MTHFD1L: variants seen among roughly 807,000 people sequenced by gnomAD.
MTHFD1L encodes monofunctional C1-tetrahydrofolate synthase, mitochondrial.
Under a neutral mutation model 119.5 loss-of-function variants are expected in MTHFD1L, and 81 were observed. The observed-to-expected ratio is 0.68, with a 90% CI of 0.57 to 0.82. The LOEUF (loss-of-function observed/expected upper bound fraction) is 0.82, where lower values mean the gene tolerates loss of function less well. Among genes scored for constraint, MTHFD1L ranks in the 40% least tolerant of loss-of-function variants. MTHFD1L has a pLI of 0.00. For synonymous variants in MTHFD1L, 430 were observed against 475.2 expected (o/e 0.90, Z 1.24); for missense variants, 1,125 against 1,253.4 (o/e 0.90, Z 1.55).
At chr6:151,011,158 C>G (rs1782157853) in intron 21 of MTHFD1L, among the ~76,000 whole-genome samples, 1 of 152,198 alleles carries the variant, frequency 6.6e-6, no homozygotes, top group Non-Finnish European at 1.5e-5. Flanking sequence ...CACTTAAGCA[C>G]TTCATTTTTG....
At chr6:150,977,455 G>A (rs767787934) in intron 20 of MTHFD1L, among the ~76,000 whole-genome samples, 7 of 152,102 alleles carry the variant, frequency 4.6e-5, no homozygotes, top group Non-Finnish European at 7.3e-5. Flanking sequence ...TGTTTCTTCC[G>A]TTAGTCAGCA....
intron 7 of MTHFD1L, among the ~76,000 whole-genome samples, chr6:150,900,751 C>CA (rs1784974573): frequency 6.6e-6 from 1 of 152,160 alleles, no homozygotes; most frequent in South Asian, 2.1e-4. Context: ...CGCGGTGGCT[C>CA]ACGCCTGTAA....
In MTHFD1L at chr6:150,926,379, A is replaced by C. The variant is rs1486120636; in HGVS notation, c.1256+84A>C. 8.4e-7 allele frequency: 1 copy of C among 1,185,606 alleles called. No homozygotes were observed. Among genetic ancestry groups the C allele is most frequent in the African/African-American group, 1.5e-5 (1 of 65,332 alleles). 73.4% of individuals were successfully genotyped at this position (1,185,606 alleles called of 1,614,324 possible). On this transcript the variant is annotated intron_variant, in intron 11 of 27. Coordinates refer to ENST00000367321, the MANE Select transcript of MTHFD1L (RefSeq NM_015440.5). The surrounding 1 kb of genome is among the most constrained non-coding windows in gnomAD (Gnocchi z 4.3). Reference sequence around the variant, plus strand: ...ATTTATCTCTCTCCTCGTACCCCTCAATCCATCCTATTCTCACATTTGACA... The same window carrying C: ...ATTTATCTCTCTCCTCGTACCCCTCCATCCATCCTATTCTCACATTTGACA...
chr6:150,913,938 C>A (rs913776199), intron 8 of MTHFD1L, among the ~76,000 whole-genome samples: 1 of 152,132 alleles, frequency 6.6e-6, no homozygotes, highest in Non-Finnish European at 1.5e-5. Flanking sequence ...TGAGACCAGC[C>A]TGGCCGTGGT....
intron 26 of MTHFD1L, among the ~76,000 whole-genome samples, chr6:151,054,095 A>G (rs144090003): frequency 1.5e-3 from 235 of 152,314 alleles, no homozygotes; most frequent in African/African-American, 5.3e-3. Flanking sequence ...GAAGAGAGAC[A>G]CCAAACCACC....
chr6:151,088,615 C>A (rs1470242351), intron 26 of MTHFD1L, among the ~76,000 whole-genome samples: 1 of 146,572 alleles, frequency 6.8e-6, no homozygotes, highest in African/African-American at 2.5e-5. Flanking sequence ...CATTACCACA[C>A]CCAGCTAATT....
intron 26 of MTHFD1L, among the ~76,000 whole-genome samples, chr6:151,072,227 A>T (rs1009820438): frequency 6.6e-6 from 1 of 152,186 alleles, no homozygotes; most frequent in African/African-American, 2.4e-5. Flanking sequence ...TAGTAAATGA[A>T]TGAAATTTTG....
intron 26 of MTHFD1L, among the ~76,000 whole-genome samples, chr6:151,047,613 C>A (rs1204509595): frequency 2.0e-5 from 3 of 152,140 alleles, no homozygotes; most frequent in African/African-American, 4.8e-5. Flanking sequence ...CAGCTGGGAA[C>A]AAAAAGAGCC....
At chr6:150,981,917 C>A (rs188640820) in intron 20 of MTHFD1L, among the ~76,000 whole-genome samples, 50 of 152,104 alleles carry the variant, frequency 3.3e-4, no homozygotes, top group African/African-American at 1.1e-3. Flanking sequence ...AAGATCCCAT[C>A]TCTATAAAAA....
chr6:151,092,641 C>T, intron 27 of MTHFD1L, 54 bp downstream of exon 27: 3 of 1,100,048 alleles, frequency 2.7e-6, no homozygotes, highest in South Asian at 3.0e-5. Context: ...AGTTCATATC[C>T]TTTTTTTGTC....
intron 25 of MTHFD1L, among the ~76,000 whole-genome samples, chr6:151,036,137 A>G (rs4869970): frequency 0.13 from 20,485 of 152,180 alleles, 2,480 homozygotes; most frequent in East Asian, 0.6. Context: ...AGTGATGTCA[A>G]CCGGGCACGG....
At chr6:150,907,583 G>A (rs1415242936) in intron 8 of MTHFD1L, among the ~76,000 whole-genome samples, 2 of 152,210 alleles carry the variant, frequency 1.3e-5, no homozygotes, top group Non-Finnish European at 2.9e-5. Context: ...TTGCATGGCT[G>A]ACCGGAAACC....
intron 26 of MTHFD1L, chr6:151,055,695 T>G (rs1219564371): frequency 6.6e-6 from 1 of 152,124 alleles, no homozygotes; most frequent in African/African-American, 2.4e-5. Context: ...GCCGGCTAAT[T>G]TTGTATTTTT....
rs149625541 is a variant in MTHFD1L at position 150,882,311 on chromosome 6, T to C, written c.418-451T>C. ...GATTAGTGAGCTGTGTTGAACACATTGTGTTTGAAACGCACAGGCTTAGCT... is the reference window on the plus strand; with the variant it reads ...GATTAGTGAGCTGTGTTGAACACATCGTGTTTGAAACGCACAGGCTTAGCT... On this transcript the variant is annotated intron_variant, in intron 4 of 27. Coordinates refer to ENST00000367321, the MANE Select transcript of MTHFD1L (RefSeq NM_015440.5). Among the ~76,000 whole-genome samples the C allele has an allele frequency of 1.2e-3, 186 of 152,344 alleles. 1 individual carries two copies. Among genetic ancestry groups the C allele is most frequent in the African/African-American group, 4.2e-3 (173 of 41,584 alleles).
rs1365737743 is a variant in MTHFD1L at position 150,879,630 on chromosome 6, T to TTG, written c.417+1805_417+1806insGT. Among the ~76,000 whole-genome samples the TTG allele has an allele frequency of 4.5e-4, 67 of 147,562 alleles. 1 individual carries two copies. Among genetic ancestry groups the TTG allele is most frequent in the African/African-American group, 1.6e-3 (64 of 39,842 alleles). ...AGGTTGTTTTGCCACTGGTGTTTTT[T>TTG]TTTTTTTTTTTTTTTCTGAGACGGA... is the stretch of plus-strand genomic sequence containing the variant. On this transcript the variant is annotated intron_variant, in intron 4 of 27. Coordinates refer to ENST00000367321, the MANE Select transcript of MTHFD1L (RefSeq NM_015440.5).
intron 4 of MTHFD1L, among the ~76,000 whole-genome samples, chr6:150,878,935 G>A (rs911490064): frequency 2.6e-5 from 4 of 152,062 alleles, no homozygotes; most frequent in African/African-American, 9.7e-5. Context: ...GAAAAAGGAA[G>A]GACAAAGACA....
intron 26 of MTHFD1L, among the ~76,000 whole-genome samples, chr6:151,081,604 A>C (rs1232015200): frequency 1.3e-5 from 2 of 152,022 alleles, no homozygotes; most frequent in Non-Finnish European, 2.9e-5. Context: ...CCTGGGAGGC[A>C]GAGGTTGCAG....
chr6:151,048,806 C>T (rs145589814), intron 26 of MTHFD1L, among the ~76,000 whole-genome samples: 1 of 152,322 alleles, frequency 6.6e-6, no homozygotes, highest in Non-Finnish European at 1.5e-5. Context: ...AAACAGCAAA[C>T]TGTTTTTCCC....
At position 150,926,159 on chromosome 6, in the gene MTHFD1L, GTGGATGTCCTTGCCAAGGAGAT is replaced by G; in HGVS notation, c.1126_1147del (p.Val376CysfsTer21). 1 of 1,614,040 alleles carries G rather than the reference GTGGATGTCCTTGCCAAGGAGAT, an allele frequency of 6.2e-7. No homozygotes were observed. Among genetic ancestry groups the G allele is most frequent in the Non-Finnish European group, 8.5e-7 (1 of 1,179,964 alleles). On this transcript the variant is annotated frameshift_variant, in exon 11 of 28. Coordinates refer to ENST00000367321, the MANE Select transcript of MTHFD1L (RefSeq NM_015440.5). LOFTEE classifies it high-confidence loss of function. The surrounding 1 kb of genome is among the most constrained non-coding windows in gnomAD (Gnocchi z 4.3). ...TTCAAGAGGACAAACTCCAAAAGCT[GTGGATGTCCTTGCCAAGGAGAT>G]TGGATTGCTTGCAGATGAAATTGAA...
Sources: allele counts gnomAD v4.1 joint callset (sites outside exome capture counted in the v4.1 genomes callset), GRCh38; gene constraint gnomAD v4.1.1; non-coding constraint Gnocchi (gnomAD v3.1); transcripts MANE v1.5; gene names NCBI Gene and HGNC (gene_info 2026-07-23, HGNC 2026-07-21).